The following VAV3 variants were observed in gnomAD, a reference collection of about 807,000 sequenced individuals.
VAV3 encodes the protein vav guanine nucleotide exchange factor 3.
Under a neutral mutation model 131.2 loss-of-function variants are expected in VAV3, and 94 were observed. That is an observed-to-expected ratio of 0.72 (90% CI 0.61 to 0.85). VAV3 has a LOEUF of 0.85. Ranked by LOEUF, VAV3 falls within the 40% of genes least tolerant of loss-of-function variation. The pLI, the probability that VAV3 is intolerant of heterozygous loss-of-function variation, is 0.00. For missense variants in VAV3, 939 were observed against 1,002.7 expected, an observed-to-expected ratio of 0.94 and a Z score of 0.86; for synonymous variants, 349 against 342.0, an observed-to-expected ratio of 1.02 and a Z score of -0.22.
chr1:107,674,542 G>C (rs1658056848), intron 19 of VAV3, among the ~76,000 whole-genome samples: 1 of 152,124 alleles, frequency 6.6e-6, no homozygotes, highest in Non-Finnish European at 1.5e-5. Flanking sequence ...CAGGAAATAA[G>C]CTTTTCTCTG....
intron 20 of VAV3, among the ~76,000 whole-genome samples, chr1:107,621,894 G>A (rs893569529): frequency 1.3e-5 from 2 of 152,100 alleles, no homozygotes; most frequent in African/African-American, 4.8e-5. Context: ...TGTACTATGT[G>A]ATGAGACTTT....
At chr1:107,614,637 G>A (rs1283924794) in intron 21 of VAV3, among the ~76,000 whole-genome samples, 1 of 151,896 alleles carries the variant, frequency 6.6e-6, no homozygotes, top group Non-Finnish European at 1.5e-5. Context: ...CACTTCTTGG[G>A]TCAGCAAATA....
rs1388527710 is a variant in VAV3 at position 107,800,662 on chromosome 1, AT to A, written c.322-21171del. On this transcript the variant is annotated intron_variant, in intron 2 of 26. Transcript: ENST00000370056. Reference sequence around the variant, plus strand: ...TAGTGAGCATAGTACCCATTTACCTATTTTTTAAATCAGTAATTGTTCTTTT... The same window carrying A: ...TAGTGAGCATAGTACCCATTTACCTATTTTTAAATCAGTAATTGTTCTTTT... Among the ~76,000 whole-genome samples, 5 of 152,212 alleles carry A rather than the reference AT, an allele frequency of 3.3e-5. No homozygotes were observed. In the East Asian group the frequency reaches 5.8e-4, roughly 18 times the overall value.
At chr1:107,771,316 G>A (rs1004387667) in intron 5 of VAV3, among the ~76,000 whole-genome samples, 4 of 150,552 alleles carry the variant, frequency 2.7e-5, no homozygotes, top group East Asian at 3.9e-4. Flanking sequence ...GCAGTGGCGC[G>A]ATCTCGGCTC....
At chr1:107,755,574 T>C in intron 11 of VAV3, 61 bp from the exon 12 acceptor site, 2 of 1,227,764 alleles carry the variant, frequency 1.6e-6, no homozygotes, top group Admixed American at 1.9e-5. Flanking sequence ...TGCAAACTGC[T>C]TTGAAAGAAA....
intron 19 of VAV3, among the ~76,000 whole-genome samples, chr1:107,653,788 T>C (rs1229758617): frequency 1.3e-5 from 2 of 152,132 alleles, no homozygotes; most frequent in Admixed American, 1.3e-4. Flanking sequence ...AAATTTTTCC[T>C]TTAAATTCCC....
chr1:107,735,183 G>A (rs1222932011), intron 15 of VAV3, among the ~76,000 whole-genome samples: 1 of 152,216 alleles, frequency 6.6e-6, no homozygotes, highest in African/African-American at 2.4e-5. Flanking sequence ...CAACGTACCA[G>A]AATCTCTGGG....
intron 2 of VAV3, among the ~76,000 whole-genome samples, chr1:107,792,902 T>G (rs185145521): frequency 1.2e-4 from 19 of 152,286 alleles, no homozygotes; most frequent in African/African-American, 4.6e-4. Flanking sequence ...TATAATTCAA[T>G]CGTACATTAT....
intron 15 of VAV3, among the ~76,000 whole-genome samples, chr1:107,724,404 A>G (rs1303227176): frequency 6.6e-6 from 1 of 152,058 alleles, no homozygotes; most frequent in Non-Finnish European, 1.5e-5. Context: ...ACTATTATTC[A>G]GCTGCTTCAG....
At chr1:107,949,501 A>C (rs544884528) in intron 1 of VAV3, among the ~76,000 whole-genome samples, 1 of 152,064 alleles carries the variant, frequency 6.6e-6, no homozygotes, top group Non-Finnish European at 1.5e-5. Context: ...TGTAGAGATA[A>C]GCTCTATGTT....
At chr1:107,869,058 T>G (rs1670132667) in intron 2 of VAV3, among the ~76,000 whole-genome samples, 1 of 151,962 alleles carries the variant, frequency 6.6e-6, no homozygotes, top group South Asian at 2.1e-4. Context: ...ACATCTACAC[T>G]CTTCTGTATC....
chr1:107,675,355 A>G (rs1658126329), intron 19 of VAV3, among the ~76,000 whole-genome samples: 2 of 152,160 alleles, frequency 1.3e-5, no homozygotes, highest in Admixed American at 6.5e-5. Context: ...TGCTACTATT[A>G]CTTCCATTTT....
chr1:107,665,151 A>G (rs1275843333), intron 19 of VAV3, among the ~76,000 whole-genome samples: 2 of 152,090 alleles, frequency 1.3e-5, no homozygotes, highest in African/African-American at 4.8e-5. Context: ...AGAAGTCAGG[A>G]TTGGAGGCAA....
intron 25 of VAV3, among the ~76,000 whole-genome samples, chr1:107,575,940 A>C (rs968248579): frequency 2.0e-5 from 3 of 152,296 alleles, no homozygotes; most frequent in African/African-American, 7.2e-5. Flanking sequence ...TGCAGAATTC[A>C]TGGGCGCCAG....
chr1:107,955,990 A>G (rs1053524752), intron 1 of VAV3, among the ~76,000 whole-genome samples: 1 of 152,160 alleles, frequency 6.6e-6, no homozygotes, highest in Non-Finnish European at 1.5e-5. Context: ...CTCACATCAA[A>G]TGAAGGGAAC....
intron 15 of VAV3, among the ~76,000 whole-genome samples, chr1:107,739,182 T>C (rs139195363): frequency 6.6e-6 from 1 of 152,328 alleles, no homozygotes; most frequent in East Asian, 1.9e-4. Flanking sequence ...ATCAAATACA[T>C]ATTAAACATA....
At chr1:107,691,112 A>G (rs191551730) in intron 17 of VAV3, among the ~76,000 whole-genome samples, 1 of 152,286 alleles carries the variant, frequency 6.6e-6, no homozygotes, top group African/African-American at 2.4e-5. Context: ...TATACCATTA[A>G]ACAGACTGCC....
chr1:107,750,466 A>G (rs930154850), intron 13 of VAV3, among the ~76,000 whole-genome samples: 2 of 152,332 alleles, frequency 1.3e-5, no homozygotes, highest in South Asian at 2.1e-4. Flanking sequence ...ACACATTCAC[A>G]GGGCTGTAAC....
chr1:107,907,965 T>TA (rs1317179245), intron 1 of VAV3, among the ~76,000 whole-genome samples: 11 of 152,324 alleles, frequency 7.2e-5, no homozygotes, highest in African/African-American at 2.4e-4. Context: ...AGCATATATC[T>TA]AGCTATGGTC....
Sources: allele counts gnomAD v4.1 joint callset (sites outside exome capture counted in the v4.1 genomes callset), GRCh38; gene constraint gnomAD v4.1.1; transcripts MANE v1.5; gene names NCBI Gene and HGNC (gene_info 2026-07-23, HGNC 2026-07-21).